Variants in GAS7 observed in about 807,000 individuals in gnomAD.
GAS7 encodes growth arrest-specific protein 7.
Under a neutral mutation model 71.1 loss-of-function variants are expected in GAS7, and 28 were observed. The observed-to-expected ratio is 0.39, with a 90% CI of 0.29 to 0.54. The LOEUF (loss-of-function observed/expected upper bound fraction) is 0.54, where lower values mean the gene tolerates loss of function less well. Among genes scored for constraint, GAS7 ranks in the 20% least tolerant of loss-of-function variants. The probability of loss-of-function intolerance (pLI) is 0.62; values close to 1 mark genes in which losing one functional copy is unlikely to be tolerated. For missense variants in GAS7, 436 were observed against 627.8 expected, an observed-to-expected ratio of 0.69 and a Z score of 3.27; for synonymous variants, 258 against 245.8, an observed-to-expected ratio of 1.05 and a Z score of -0.46.
chr17:9,948,779 C>A (rs535242408), intron 5 of GAS7, among the ~76,000 whole-genome samples: 8 of 152,184 alleles, frequency 5.3e-5, no homozygotes, highest in Non-Finnish European at 1.2e-4. Flanking sequence ...CTTTTCTGCC[C>A]GAGCACATCT....
In GAS7 at chr17:9,926,361, G is replaced by A. The variant is rs2152074290; in HGVS notation, c.1014+280C>T. ...CACTGCTAGGCTCGGGGTTTAACTG[G>A]TCGCCAACAGCCACTCGACTGCCCA... is the stretch of plus-strand genomic sequence containing the variant. On this transcript the variant is annotated intron_variant, in intron 10 of 13. Coordinates refer to ENST00000432992, the MANE Select transcript of GAS7 (RefSeq NM_201433.2). The surrounding 1 kb of genome is among the most constrained non-coding windows in gnomAD (Gnocchi z 5.0). 6.6e-6 allele frequency among the ~76,000 whole-genome samples: 1 copy of A among 152,252 alleles called. No individual in the cohort carries two copies. Among genetic ancestry groups the A allele is most frequent in the Middle Eastern group, 3.4e-3 (1 of 294 alleles).
At chr17:10,154,117 A>G (rs1272188814) in intron 1 of GAS7, among the ~76,000 whole-genome samples, 1 of 152,050 alleles carries the variant, frequency 6.6e-6, no homozygotes, top group Admixed American at 6.6e-5. Flanking sequence ...ATATGCTGAG[A>G]CTCTTGCCTT....
At chr17:10,070,345 T>A (rs2073327396) in intron 1 of GAS7, among the ~76,000 whole-genome samples, 1 of 128,330 alleles carries the variant, frequency 7.8e-6, no homozygotes, top group Admixed American at 8.2e-5. Flanking sequence ...TCTCTTCTTT[T>A]TTTTTTTTTT....
rs543868088 is a variant in GAS7 at position 10,076,981 on chromosome 17, T to C, written c.184-57084A>G. 4.6e-5 allele frequency among the ~76,000 whole-genome samples: 7 copies of C among 152,352 alleles called. No individual in the cohort carries two copies. The South Asian group carries it at 1.4e-3, about 32-fold the overall frequency. On this transcript the variant is annotated intron_variant, in intron 1 of 13. Transcript: ENST00000432992. The stretch of plus-strand genomic sequence containing the variant: ...AGAAAATTGACTGCCCTTTGCCATA[T>C]TTTGTTTTGTTATTTCTGATCAAGT...
rs1488449808 is a variant in GAS7, at chr17:10,005,324, T to TACACACACACAC, written c.304+14452_304+14453insGTGTGTGTGTGT. Among the ~76,000 whole-genome samples the TACACACACACAC allele has an allele frequency of 2.8e-3, 410 of 146,568 alleles. 1 individual carries two copies. Among genetic ancestry groups the TACACACACACAC allele is most frequent in the African/African-American group, 0.01 (393 of 38,344 alleles). On this transcript the variant is annotated intron_variant, in intron 2 of 13. Transcript: ENST00000432992. ...ATACACATATATACACACACATATA[T>TACACACACACAC]ATATACACACACACACACACACATA... is the stretch of plus-strand genomic sequence containing the variant.
intron 1 of GAS7, among the ~76,000 whole-genome samples, chr17:10,137,805 T>C (rs1359057449): frequency 1.3e-5 from 2 of 152,102 alleles, no homozygotes; most frequent in East Asian, 3.8e-4. Flanking sequence ...CCTCCCAAAG[T>C]GCTGGGATTA....
At chr17:10,136,105 T>C (rs1197459312) in intron 1 of GAS7, among the ~76,000 whole-genome samples, 1 of 152,188 alleles carries the variant, frequency 6.6e-6, no homozygotes, top group Non-Finnish European at 1.5e-5. Context: ...CCGTCTTCTA[T>C]TAATTAATCA....
Position 10,103,790 on chromosome 17 carries a change from C to T in GAS7, c.184-83893G>A, listed in dbSNP as rs760179651. Reference sequence around the variant, plus strand: ...GCAGTGAGCCAAGATCTCACCATTGCACTCCAGCCTGGGTGACACAGCAAG... The same window carrying T: ...GCAGTGAGCCAAGATCTCACCATTGTACTCCAGCCTGGGTGACACAGCAAG... On this transcript the variant is annotated intron_variant, in intron 1 of 13. Coordinates refer to ENST00000432992, the MANE Select transcript of GAS7 (RefSeq NM_201433.2). The surrounding 1 kb of genome is among the most constrained non-coding windows in gnomAD (Gnocchi z 5.5). 1.9e-4 allele frequency among the ~76,000 whole-genome samples: 29 copies of T among 151,520 alleles called. No individual in the cohort carries two copies. Among genetic ancestry groups the T allele is most frequent in the Admixed American group, 5.9e-4 (9 of 15,226 alleles).
intron 1 of GAS7, among the ~76,000 whole-genome samples, chr17:10,169,247 C>T (rs1004727699): frequency 5.9e-5 from 9 of 151,694 alleles, no homozygotes; most frequent in African/African-American, 2.2e-4. Flanking sequence ...GCCTGGGCAA[C>T]AAGAGCAAGA....
At chr17:10,086,184 G>A (rs1036827840) in intron 1 of GAS7, among the ~76,000 whole-genome samples, 4 of 152,336 alleles carry the variant, frequency 2.6e-5, no homozygotes, top group Admixed American at 1.3e-4. Context: ...CTGGAGGAGT[G>A]GAAGTGAATT....
intron 1 of GAS7, among the ~76,000 whole-genome samples, chr17:10,092,713 G>A (rs527732525): frequency 3.9e-5 from 6 of 152,310 alleles, no homozygotes; most frequent in East Asian, 1.9e-4. Flanking sequence ...CAAGGTGTCA[G>A]GAGGGCCACG....
intron 1 of GAS7, among the ~76,000 whole-genome samples, chr17:10,143,045 A>T (rs1040436409): frequency 1.3e-5 from 2 of 150,428 alleles, no homozygotes; most frequent in Non-Finnish European, 3.0e-5. Context: ...AGCCAGGCAT[A>T]ATGGTGGGTG....
chr17:10,176,840 C>T (rs4365324), intron 1 of GAS7, among the ~76,000 whole-genome samples: 16,149 of 152,146 alleles, frequency 0.11, 1,085 homozygotes, highest in African/African-American at 0.18. Context: ...CTCCTTCTAA[C>T]CTTGGCCGTC....
chr17:10,005,103 A>G (rs572572538), intron 2 of GAS7, among the ~76,000 whole-genome samples: 11 of 150,666 alleles, frequency 7.3e-5, no homozygotes, highest in East Asian at 2.0e-4. Context: ...GCATACATGC[A>G]TGTGTGTGCG....
In GAS7 at chr17:10,031,168, G is replaced by T. The variant is rs79612749; in HGVS notation, c.184-11271C>A. 7.3e-3 allele frequency among the ~76,000 whole-genome samples: 1,107 copies of T among 152,270 alleles called. 38 individuals are homozygous for T. In the East Asian group the frequency reaches 0.12, roughly 16 times the overall value. On this transcript the variant is annotated intron_variant, in intron 1 of 13. Transcript: ENST00000432992. ...TCCAGCTCCTGGTAGGCTTGGCAAG[G>T]GTCACAGCCACCCTGCAAACCCCCA...
In GAS7 at chr17:10,019,704, G is replaced by GA. The variant is rs1230897734; in HGVS notation, c.304+72dup. 2.7e-6 allele frequency: 4 copies of GA among 1,469,168 alleles called. No homozygotes were observed. The East Asian group carries it at 6.9e-5, about 25-fold the overall frequency. The allele number at this position is 1,469,168 out of a possible 1,614,324, so 91.0% of individuals were successfully genotyped here. A position where few individuals can be genotyped will look rare whatever the true frequency, so the allele number is the denominator to read the frequency against. ...CCCAAACAGAGAGGCGAAGAAGGGA[G>GA]AAAAAACGTGCCCCTCTAGAGAGCC... is the stretch of plus-strand genomic sequence containing the variant. On this transcript the variant is annotated intron_variant, in intron 2 of 13. Transcript: ENST00000432992.
chr17:10,026,378 T>A lies in GAS7; in HGVS notation c.184-6481A>T. 1 of 787,032 alleles carries A rather than the reference T, an allele frequency of 1.3e-6. No homozygotes were observed. The highest frequency in any genetic ancestry group is 1.5e-6 in the Non-Finnish European group (1 of 648,690). The allele number at this position is 787,032 out of a possible 1,614,324, so 48.8% of individuals were successfully genotyped here. A position where few individuals can be genotyped will look rare whatever the true frequency, so the allele number is the denominator to read the frequency against. On this transcript the variant is annotated intron_variant, in intron 1 of 13. Transcript: ENST00000432992. The surrounding 1 kb of genome is among the most constrained non-coding windows in gnomAD (Gnocchi z 4.5). The stretch of plus-strand genomic sequence containing the variant: ...TATAACAGCTCTGAAGTTGTCAGCC[T>A]AACGAGCCACTTTCTGGCAGACCCG...
In GAS7 at chr17:10,111,854, G is replaced by C. The variant is rs373128279; in HGVS notation, c.183+86354C>G. On this transcript the variant is annotated intron_variant, in intron 1 of 13. Transcript: ENST00000432992. Reference sequence around the variant, plus strand: ...TACCCTGATGAAGAACTGCTGCCGTGTTTCGACTTGAGGAAACCTAGACCA... The same window carrying C: ...TACCCTGATGAAGAACTGCTGCCGTCTTTCGACTTGAGGAAACCTAGACCA... Among the ~76,000 whole-genome samples, 10 of 152,284 alleles carry C rather than the reference G, an allele frequency of 6.6e-5. No individual in the cohort carries two copies. The South Asian group carries it at 2.1e-3, about 32-fold the overall frequency.
intron 1 of GAS7, among the ~76,000 whole-genome samples, chr17:10,164,132 G>C (rs1407021546): frequency 6.6e-6 from 1 of 152,052 alleles, no homozygotes; most frequent in Non-Finnish European, 1.5e-5. Flanking sequence ...ATTTTGCACT[G>C]TGCAGCCAGG....
Sources: gnomAD v4.1 joint callset for allele counts (sites outside exome capture counted in the v4.1 genomes callset) on GRCh38, gnomAD v4.1.1 for gene constraint, Gnocchi (gnomAD v3.1) non-coding constraint, MANE v1.5 for transcripts, NCBI Gene and HGNC (gene_info 2026-07-23, HGNC 2026-07-21) for gene names.